Variants in SARDH observed in about 807,000 individuals in gnomAD.
SARDH encodes sarcosine dehydrogenase.
SARDH carries 95 observed loss-of-function variants against 109.1 expected under a neutral mutation model. The ratio of observed to expected loss-of-function variants is 0.87; its 90% confidence interval spans 0.74 to 1.03. SARDH has a LOEUF of 1.03. Among genes scored for constraint, SARDH ranks in the 50% least tolerant of loss-of-function variants. The pLI, the probability that SARDH is intolerant of heterozygous loss-of-function variation, is 0.00. For synonymous variants in SARDH, 572 were observed against 534.8 expected (o/e 1.07, Z -0.96); for missense variants, 1,267 against 1,287.8 (o/e 0.98, Z 0.25).
chr9:133,717,403 G>A lies in SARDH; in HGVS notation c.1073C>T (p.Thr358Ile), dbSNP rs1832165612. Residue 358 changes from threonine to isoleucine, a missense_variant, in exon 8 of 21, where the codon ACC (threonine) becomes ATC (isoleucine). Coordinates refer to ENST00000439388, the MANE Select transcript of SARDH (RefSeq NM_001134707.2). ...GTTGATGGCGCCTTCAATGTGCTGGGTGAACACCTCCCAGTCCAGGTCAAA... is the reference window on the plus strand; with the variant it reads ...GTTGATGGCGCCTTCAATGTGCTGGATGAACACCTCCCAGTCCAGGTCAAA... ...GLFDLDWEVF[T>I]QHIEGAINRV... 4.3e-6 allele frequency: 7 copies of A among 1,614,030 alleles called. No individual in the cohort carries two copies. The Admixed American group carries it at 6.7e-5, about 15-fold the overall frequency.
chr9:133,733,123 C>G (rs1357462611), intron 2 of SARDH, among the ~76,000 whole-genome samples: 2 of 152,198 alleles, frequency 1.3e-5, no homozygotes, highest in Non-Finnish European at 2.9e-5. Context: ...GACAGCCCAG[C>G]TAGGGGGCCA....
At chr9:133,679,901 C>T (rs1289067870) in intron 17 of SARDH, among the ~76,000 whole-genome samples, 2 of 152,248 alleles carry the variant, frequency 1.3e-5, no homozygotes, top group South Asian at 2.1e-4. Context: ...TTGTCCTCAT[C>T]GGCCCTCACA....
Position 133,731,446 on chromosome 9 carries a change from G to T in SARDH, c.549C>A (p.Ser183Arg), listed in dbSNP as rs1207046647. ...GGTACAGAGTCTTGGTCTCTGCCGG[G>T]CTCAGCACATGGGATTCCACACCAT... ...KAYGVESHVL[S>R]PAETKTLYPL... Residue 183 changes from serine to arginine, a missense_variant, in exon 4 of 21, where the codon AGC becomes AGA. Coordinates refer to ENST00000439388, the MANE Select transcript of SARDH (RefSeq NM_001134707.2). 6.2e-7 allele frequency: 1 copy of T among 1,614,146 alleles called. No individual in the cohort carries two copies. The highest frequency in any genetic ancestry group is 8.5e-7 in the Non-Finnish European group (1 of 1,180,008).
chr9:133,691,963 G>C (rs1199598706), intron 15 of SARDH, among the ~76,000 whole-genome samples: 1 of 152,114 alleles, frequency 6.6e-6, no homozygotes, highest in East Asian at 1.9e-4. Flanking sequence ...CTCAGCTCTA[G>C]GAATCCACCA....
intron 13 of SARDH, among the ~76,000 whole-genome samples, chr9:133,699,559 A>C (rs1024998682): frequency 6.6e-6 from 1 of 152,186 alleles, no homozygotes; most frequent in Non-Finnish European, 1.5e-5. Flanking sequence ...AAAAGGGACA[A>C]AGGATCTGAA....
At chr9:133,736,071 CAT>C (rs1832876094) in intron 1 of SARDH, among the ~76,000 whole-genome samples, 1 of 151,080 alleles carries the variant, frequency 6.6e-6, no homozygotes, top group African/African-American at 2.4e-5. Flanking sequence ...GCGAAAGAGA[CAT>C]GTGACGTATG....
In SARDH at chr9:133,735,549, C is replaced by A. The variant is rs76433882; in HGVS notation, c.-30-1346G>T. Among the ~76,000 whole-genome samples the A allele has an allele frequency of 4.2e-3, 641 of 152,300 alleles. 2 individuals are homozygous for A. Among genetic ancestry groups the A allele is most frequent in the African/African-American group, 0.015 (614 of 41,562 alleles). ...CACCATGTCCTGGGGACGCAGCAAC[C>A]GTGGTGACTGCAATCCACACAATCA... is the stretch of plus-strand genomic sequence containing the variant. On this transcript the variant is annotated intron_variant, in intron 1 of 20. Coordinates refer to ENST00000439388, the MANE Select transcript of SARDH (RefSeq NM_001134707.2).
intron 17 of SARDH, among the ~76,000 whole-genome samples, chr9:133,681,762 C>T (rs553983732): frequency 4.6e-5 from 7 of 152,342 alleles, no homozygotes; most frequent in African/African-American, 7.2e-5. Context: ...GGGAGGTACA[C>T]CATGGATAAC....
At chr9:133,737,936 C>T (rs12375833) in intron 1 of SARDH, among the ~76,000 whole-genome samples, 23,697 of 152,224 alleles carry the variant, frequency 0.16, 1,927 homozygotes, top group Middle Eastern at 0.18. Context: ...ACTGGGGCCT[C>T]GAGCAACAAC....
intron 17 of SARDH, among the ~76,000 whole-genome samples, chr9:133,683,040 C>T (rs985729987): frequency 2.6e-5 from 4 of 152,268 alleles, no homozygotes; most frequent in African/African-American, 4.8e-5. Context: ...GCACCCCCCA[C>T]GCTGTGTTTG....
chr9:133,672,157 C>T (rs1172781794), intron 17 of SARDH, among the ~76,000 whole-genome samples: 1 of 152,224 alleles, frequency 6.6e-6, no homozygotes, highest in Non-Finnish European at 1.5e-5. Context: ...CTCCCGAGCA[C>T]CTCCCGGCAC....
At chr9:133,707,984 C>T (rs1450575206) in intron 11 of SARDH, among the ~76,000 whole-genome samples, 1 of 152,188 alleles carries the variant, frequency 6.6e-6, no homozygotes, top group African/African-American at 2.4e-5. Flanking sequence ...GACCCCTGCC[C>T]TGTTGGCGCT....
chr9:133,708,481 G>A (rs1831789560), intron 10 of SARDH, 53 bp from the exon 11 acceptor site: 1 of 1,565,326 alleles, frequency 6.4e-7, no homozygotes, highest in African/African-American at 1.4e-5. Flanking sequence ...CGTCAGGGAA[G>A]GGCTAGCCTA....
intron 17 of SARDH, among the ~76,000 whole-genome samples, chr9:133,674,470 G>A (rs1328669999): frequency 6.6e-6 from 1 of 152,252 alleles, no homozygotes. Context: ...TCAGCAGGAA[G>A]GGTCTTATGT....
At chr9:133,660,073 C>A (rs574765284), downstream of SARDH, among the ~76,000 whole-genome samples, 1 of 149,728 alleles carries the variant, frequency 6.7e-6, no homozygotes, top group African/African-American at 2.5e-5. Flanking sequence ...CCTCACCCCC[C>A]ACTCACACTC....
chr9:133,694,522 A>C (rs1831216631), intron 14 of SARDH, 151 bp from the exon 15 acceptor site: 1 of 701,772 alleles, frequency 1.4e-6, no homozygotes, highest in Non-Finnish European at 2.5e-6. Flanking sequence ...GGTGACCTGG[A>C]GAGCTCCTCA....
intron 8 of SARDH, among the ~76,000 whole-genome samples, chr9:133,713,882 G>T (rs531028857): frequency 6.6e-6 from 1 of 152,378 alleles, no homozygotes; most frequent in East Asian, 1.9e-4. Flanking sequence ...GCCTACAGAC[G>T]TTCATGTCCT....
downstream of SARDH, among the ~76,000 whole-genome samples, chr9:133,660,497 G>T (rs1416893489): frequency 2.0e-5 from 3 of 152,202 alleles, no homozygotes; most frequent in Non-Finnish European, 4.4e-5. Flanking sequence ...TTTGTTACCT[G>T]AAAATGACCT....
At chr9:133,730,688 G>A (rs1333801267) in intron 4 of SARDH, among the ~76,000 whole-genome samples, 2 of 151,986 alleles carry the variant, frequency 1.3e-5, no homozygotes, top group Non-Finnish European at 2.9e-5. Context: ...TCTTAAAATT[G>A]TTCTACAGGC....
Sources: allele counts gnomAD v4.1 joint callset (sites outside exome capture counted in the v4.1 genomes callset), GRCh38; gene constraint gnomAD v4.1.1; transcripts MANE v1.5; gene names NCBI Gene and HGNC (gene_info 2026-07-23, HGNC 2026-07-21).